The following GAS7 variants were observed in gnomAD, a reference collection of about 807,000 sequenced individuals.
GAS7 encodes growth arrest specific 7, also known as growth arrest-specific protein 7.
GAS7 carries 28 observed loss-of-function variants against 71.1 expected under a neutral mutation model. The ratio of observed to expected loss-of-function variants is 0.39; its 90% CI spans 0.29 to 0.54. The LOEUF (loss-of-function observed/expected upper bound fraction) is 0.54, where lower values mean the gene tolerates loss of function less well. GAS7 is among the 20% of genes least tolerant of loss of function. The pLI, the probability that GAS7 is intolerant of heterozygous loss-of-function variation, is 0.62. For missense variants in GAS7, 436 were observed against 627.8 expected (o/e 0.69, Z 3.27); for synonymous variants, 258 against 245.8 (o/e 1.05, Z -0.46).
At position 10,159,550 on chromosome 17, in the gene GAS7, C is replaced by A. The variant is rs575407263; in HGVS notation, c.183+38658G>T. Among the ~76,000 whole-genome samples, 41 of 152,222 alleles carry A rather than the reference C, an allele frequency of 2.7e-4. No individual in the cohort carries two copies. In the East Asian group the frequency reaches 7.0e-3, roughly 26 times the overall value. ...TGAGAAAAGCCAGATGCACCCCCCCCAACCTCCATCACCAAAAAGAATAAC... is the reference window on the plus strand; with the variant it reads ...TGAGAAAAGCCAGATGCACCCCCCCAAACCTCCATCACCAAAAAGAATAAC... On this transcript the variant is annotated intron_variant, in intron 1 of 13. Coordinates refer to ENST00000432992, the MANE Select transcript of GAS7 (RefSeq NM_201433.2).
rs2070673654 is a variant in GAS7, at chr17:9,986,980, C to T, written c.305-5096G>A. Among the ~76,000 whole-genome samples the T allele has an allele frequency of 2.0e-5, 3 of 152,208 alleles. No homozygotes were observed. In the South Asian group the frequency reaches 6.2e-4, roughly 32 times the overall value. ...AGCAGGACAAGTCACCCCAGAGGAC[C>T]ATACTACCCACAGGGAGGAAGCCGT... On this transcript the variant is annotated intron_variant, in intron 2 of 13. Transcript: ENST00000432992.
intron 3 of GAS7, among the ~76,000 whole-genome samples, chr17:9,980,688 A>T (rs1268333599): frequency 6.6e-6 from 1 of 152,200 alleles, no homozygotes; most frequent in East Asian, 1.9e-4. Context: ...CGGACTGAGG[A>T]TATCACAAAA....
At chr17:10,152,198 C>T (rs1052987520) in intron 1 of GAS7, among the ~76,000 whole-genome samples, 1 of 152,168 alleles carries the variant, frequency 6.6e-6, no homozygotes, top group African/African-American at 2.4e-5. Flanking sequence ...GGTTGACAAG[C>T]CCCACCAAAG....
chr17:10,196,573 C>T (rs558237977), intron 1 of GAS7, among the ~76,000 whole-genome samples: 2 of 152,148 alleles, frequency 1.3e-5, no homozygotes, highest in South Asian at 2.1e-4. Context: ...CCTGGTCCAT[C>T]GTCCCTTTCC....
At chr17:10,088,194 C>A (rs986144354) in intron 1 of GAS7, among the ~76,000 whole-genome samples, 3 of 147,284 alleles carry the variant, frequency 2.0e-5, no homozygotes, top group East Asian at 4.0e-4. Context: ...GCACTCCAGC[C>A]GGGGCAACAG....
At position 10,117,640 on chromosome 17, in the gene GAS7, G is replaced by A. The variant is rs114510528; in HGVS notation, c.183+80568C>T. Among the ~76,000 whole-genome samples the A allele has an allele frequency of 8.4e-3, 1,282 of 152,218 alleles. 25 individuals carry two copies. The highest frequency in any genetic ancestry group is 0.03 in the African/African-American group (1,235 of 41,528). Reference sequence around the variant, plus strand: ...TCATCAGCCACTGTAGGGCTTCCGCGTCTTCACTCTGCCGACATGGGGCAC... The same window carrying A: ...TCATCAGCCACTGTAGGGCTTCCGCATCTTCACTCTGCCGACATGGGGCAC... On this transcript the variant is annotated intron_variant, in intron 1 of 13. Coordinates refer to ENST00000432992, the MANE Select transcript of GAS7 (RefSeq NM_201433.2).
At chr17:9,992,495 G>A (rs1056167163) in intron 2 of GAS7, among the ~76,000 whole-genome samples, 1 of 152,110 alleles carries the variant, frequency 6.6e-6, no homozygotes, top group Admixed American at 6.5e-5. Context: ...GAAGGTTCCA[G>A]TGTGTGGGCA....
intron 11 of GAS7, among the ~76,000 whole-genome samples, chr17:9,920,398 T>C (rs1024099979): frequency 2.0e-5 from 3 of 152,216 alleles, no homozygotes; most frequent in African/African-American, 7.2e-5. Flanking sequence ...GAGGCAAACA[T>C]AACTATTCAA....
chr17:9,937,711 C>A (rs901307503), intron 8 of GAS7, among the ~76,000 whole-genome samples: 2 of 152,198 alleles, frequency 1.3e-5, no homozygotes, highest in Non-Finnish European at 1.5e-5. Context: ...TTTCAAGCCA[C>A]GAAGGCAGAT....
chr17:10,027,608 C>T (rs2072499249), intron 1 of GAS7, among the ~76,000 whole-genome samples: 1 of 152,232 alleles, frequency 6.6e-6, no homozygotes, highest in Non-Finnish European at 1.5e-5. Flanking sequence ...CATGTGAGGA[C>T]ACGCTATTCC....
In GAS7 at chr17:9,981,788, A is replaced by G; in HGVS notation, c.385+16T>C. 1 of 1,467,972 alleles carries G rather than the reference A, an allele frequency of 6.8e-7. No individual in the cohort carries two copies. The highest frequency in any genetic ancestry group is 9.6e-7 in the Non-Finnish European group (1 of 1,046,638). 90.9% of individuals were successfully genotyped at this position (1,467,972 alleles called of 1,614,324 possible). ...AGGGCCCTCCCAGTTGCCCCAAAGC[A>G]GACAGCGGACATTACCTGTTGGAGG... On this transcript the variant is annotated intron_variant, in intron 3 of 13. Coordinates refer to ENST00000432992, the MANE Select transcript of GAS7 (RefSeq NM_201433.2). This position sits in a 1 kb window ranked among gnomAD's most constrained non-coding sequence, Gnocchi z 4.4.
chr17:10,128,407 A>G (rs1321657505), intron 1 of GAS7, among the ~76,000 whole-genome samples: 1 of 152,098 alleles, frequency 6.6e-6, no homozygotes. Flanking sequence ...GGAGACCCAC[A>G]AACCCACAGC....
At chr17:10,017,276 C>CAACT (rs1567543618) in intron 2 of GAS7, among the ~76,000 whole-genome samples, 1 of 151,840 alleles carries the variant, frequency 6.6e-6, no homozygotes, top group African/African-American at 2.4e-5. Flanking sequence ...CTGGTCAAAC[C>CAACT]AACTATCATA....
intron 5 of GAS7, among the ~76,000 whole-genome samples, chr17:9,958,361 A>G (rs1025106721): frequency 6.6e-6 from 1 of 152,186 alleles, no homozygotes; most frequent in East Asian, 1.9e-4. Context: ...GTTTACCTAC[A>G]CTTTTTCTCC....
intron 1 of GAS7, among the ~76,000 whole-genome samples, chr17:10,173,751 G>C (rs921248404): frequency 2.7e-5 from 4 of 150,434 alleles, no homozygotes; most frequent in African/African-American, 9.8e-5. Context: ...CTGGGGGACA[G>C]AGCTAGACTC....
chr17:9,981,717 A>C lies in GAS7; in HGVS notation c.385+87T>G. On this transcript the variant is annotated intron_variant, in intron 3 of 13. Coordinates refer to ENST00000432992, the MANE Select transcript of GAS7 (RefSeq NM_201433.2). The surrounding 1 kb of genome is among the most constrained non-coding windows in gnomAD (Gnocchi z 4.4). ...TGGGTTTGCTACATCAGCCAGGTTT[A>C]AGACCCAGGACCCATCATCTCAGCC... is the stretch of plus-strand genomic sequence containing the variant. 1.2e-6 allele frequency: 1 copy of C among 803,692 alleles called. No individual in the cohort carries two copies. Among genetic ancestry groups the C allele is most frequent in the Non-Finnish European group, 2.2e-6 (1 of 464,464 alleles). The allele number at this position is 803,692 out of a possible 1,614,324, so 49.8% of individuals were successfully genotyped here.
chr17:10,078,031 CG>C (rs1247336794), intron 1 of GAS7, among the ~76,000 whole-genome samples: 1 of 151,192 alleles, frequency 6.6e-6, no homozygotes, highest in East Asian at 1.9e-4. Context: ...ACAGTACATG[CG>C]GAAGTTTGTT....
At chr17:9,993,671 T>G (rs2076838471) in intron 2 of GAS7, among the ~76,000 whole-genome samples, 1 of 151,018 alleles carries the variant, frequency 6.6e-6, no homozygotes, top group African/African-American at 2.4e-5. Context: ...TGTTGGAAGT[T>G]CTGGCCAGGG....
At chr17:10,127,294 G>A (rs1250479700) in intron 1 of GAS7, among the ~76,000 whole-genome samples, 2 of 152,146 alleles carry the variant, frequency 1.3e-5, no homozygotes, top group Non-Finnish European at 2.9e-5. Context: ...TCAGGGGAAC[G>A]CCTGGTTTCC....
Sources: allele counts gnomAD v4.1 joint callset (sites outside exome capture counted in the v4.1 genomes callset), GRCh38; gene constraint gnomAD v4.1.1; non-coding constraint Gnocchi (gnomAD v3.1); transcripts MANE v1.5; gene names NCBI Gene and HGNC (gene_info 2026-07-23, HGNC 2026-07-21).